Variants in ZBTB45 observed in about 807,000 individuals in gnomAD.
ZBTB45 encodes zinc finger and BTB domain-containing protein 45.
Under a neutral mutation model 28.4 loss-of-function variants are expected in ZBTB45, and 22 were observed. That is an observed-to-expected ratio of 0.77 (90% CI 0.55 to 1.10). The LOEUF is 1.10. ZBTB45 is among the 50% of genes least tolerant of loss of function. The probability of loss-of-function intolerance (pLI) is 0.00; values close to 1 mark genes in which losing one functional copy is unlikely to be tolerated. For missense variants in ZBTB45, 656 were observed against 750.2 expected, an observed-to-expected ratio of 0.87 and a Z score of 1.47; for synonymous variants, 361 against 332.3, an observed-to-expected ratio of 1.09 and a Z score of -0.94.
upstream of ZBTB45, among the ~76,000 whole-genome samples, chr19:58,524,217 C>A (rs1232382045): frequency 6.6e-6 from 1 of 150,934 alleles, no homozygotes; most frequent in Admixed American, 6.6e-5. Flanking sequence ...CAAAAATTAG[C>A]CAGGCGTGGT....
At chr19:58,529,953 AG>A (rs2053627356) in intron 1 of ZBTB45, among the ~76,000 whole-genome samples, 1 of 152,200 alleles carries the variant, frequency 6.6e-6, no homozygotes, top group Non-Finnish European at 1.5e-5. Context: ...CTGTAAGACC[AG>A]CACTTTGGGA....
In ZBTB45 at chr19:58,516,829, A is replaced by G. The variant is rs2053506196; in HGVS notation, c.845T>C (p.Val282Ala). ...AGTGGATACATAGCTGTCTGGAAATACGTCCTCAGCTGACCCAGCTCCCCG... is the reference window on the plus strand; with the variant it reads ...AGTGGATACATAGCTGTCTGGAAATGCGTCCTCAGCTGACCCAGCTCCCCG... ...FLRGAGSAEDVFPDSYVSTWH... is the reference protein window; with the variant it reads ...FLRGAGSAEDAFPDSYVSTWH... The change falls in exon 2 of 3, where the codon GTA (valine) becomes GCA (alanine). Residue 282 changes from valine to alanine, a missense_variant. Transcript: ENST00000594051. The surrounding 1 kb of genome is among the most constrained non-coding windows in gnomAD (Gnocchi z 6.2). The G allele has an allele frequency of 1.9e-6, 3 of 1,613,538 alleles. No homozygotes were observed. The highest frequency in any genetic ancestry group is 2.5e-6 in the Non-Finnish European group (3 of 1,180,000).
At chr19:58,527,964 T>A (rs1334125004) in intron 1 of ZBTB45, among the ~76,000 whole-genome samples, 2 of 152,142 alleles carry the variant, frequency 1.3e-5, no homozygotes, top group Non-Finnish European at 2.9e-5. Context: ...TATCTGGGCG[T>A]GGCAGTACGT....
rs117172726 is a variant in ZBTB45 at position 58,515,336 on chromosome 19, A to C, written c.1280-1026T>G. Among the ~76,000 whole-genome samples, 822 of 151,126 alleles carry C rather than the reference A, an allele frequency of 5.4e-3. 7 individuals are homozygous for C. The highest frequency in any genetic ancestry group is 0.016 in the South Asian group (76 of 4,746). Reference sequence around the variant, plus strand: ...GTCTCAAAAAAAATTAAAAAAAAAAAAACCCTATCTCAGTGGCAGTGGACT... The same window carrying C: ...GTCTCAAAAAAAATTAAAAAAAAAACAACCCTATCTCAGTGGCAGTGGACT... On this transcript the variant is annotated intron_variant, in intron 2 of 2. Transcript: ENST00000594051. This position sits in a 1 kb window ranked among gnomAD's most constrained non-coding sequence, Gnocchi z 4.7.
chr19:58,514,127 C>T lies in ZBTB45; in HGVS notation c.1463G>A (p.Cys488Tyr). ...CGAGAAGACCTTGCCGCAGGCGGGG[C>T]AGGGCGCGCGCTCGGGCCGGTGAGT... ...MRTHRPERAP[C>Y]PACGKVFSHR... The change falls in exon 3 of 3, where the codon TGC becomes TAC. Residue 488 changes from cysteine (C) to tyrosine (Y), a missense_variant. By Grantham distance (194) the Cys-to-Tyr change is radical. Coordinates refer to ENST00000594051, the MANE Select transcript of ZBTB45 (RefSeq NM_001316979.2). The T allele has an allele frequency of 6.2e-7, 1 of 1,600,986 alleles. No individual in the cohort carries two copies. The highest frequency in any genetic ancestry group is 1.1e-5 in the South Asian group (1 of 90,482).
intron 1 of ZBTB45, among the ~76,000 whole-genome samples, chr19:58,529,359 A>T (rs1324102355): frequency 6.6e-6 from 1 of 152,206 alleles, no homozygotes; most frequent in African/African-American, 2.4e-5. Flanking sequence ...CAGCCCGAGG[A>T]GGTTGAGGCT....
chr19:58,517,338 C>G lies in ZBTB45; in HGVS notation c.336G>C (p.Gln112His). ...TCTGCGTGCATTCGTCGATAACTGT[C>G]TGTATGCGAAGCACTGACGCGGCCG... ...VLTAASVLRIQTVIDECTQII... is the reference protein window; with the variant it reads ...VLTAASVLRIHTVIDECTQII... Residue 112 changes from glutamine (Q) to histidine (H), a missense_variant, in exon 2 of 3, where the codon CAG (glutamine) becomes CAC (histidine). Physicochemically the swap from Gln to His is conservative, Grantham distance 24. This residue lies in a region of ZBTB45 where 448 missense variants were observed against 444.3 expected (regional missense o/e 1.01). Transcript: ENST00000594051. 6.2e-7 allele frequency: 1 copy of G among 1,611,494 alleles called. No individual in the cohort carries two copies. The highest frequency in any genetic ancestry group is 8.5e-7 in the Non-Finnish European group (1 of 1,179,868).
intron 1 of ZBTB45, among the ~76,000 whole-genome samples, chr19:58,526,756 C>T (rs1600068025): frequency 6.7e-6 from 1 of 150,120 alleles, no homozygotes; most frequent in Admixed American, 6.6e-5. Context: ...TGGTCTCGAT[C>T]TCCTGACCTC....
intron 1 of ZBTB45, among the ~76,000 whole-genome samples, chr19:58,528,481 C>T (rs2053619213): frequency 6.7e-6 from 1 of 148,830 alleles, no homozygotes; most frequent in Non-Finnish European, 1.5e-5. Flanking sequence ...AAAAAAAGTC[C>T]AGGTGCGGTG....
chr19:58,534,593 G>A (rs1600071763), intron 1 of ZBTB45, among the ~76,000 whole-genome samples: 1 of 138,328 alleles, frequency 7.2e-6, no homozygotes, highest in Non-Finnish European at 1.5e-5. Flanking sequence ...GTCTCACTCT[G>A]TTGCTCAGGC....
Position 58,516,309 on chromosome 19 carries a change from A to T in ZBTB45, c.1279+86T>A. On this transcript the variant is annotated intron_variant, in intron 2 of 2. Transcript: ENST00000594051. This position sits in a 1 kb window ranked among gnomAD's most constrained non-coding sequence, Gnocchi z 6.2. Reference sequence around the variant, plus strand: ...TAACCAAAAGTAACAGAACAGTGCCAGTGCCCTGTAACTAGTGCTCAATTC... The same window carrying T: ...TAACCAAAAGTAACAGAACAGTGCCTGTGCCCTGTAACTAGTGCTCAATTC... The T allele has an allele frequency of 6.6e-7, 1 of 1,509,054 alleles. No individual in the cohort carries two copies. Among genetic ancestry groups the T allele is most frequent in the Non-Finnish European group, 9.1e-7 (1 of 1,102,904 alleles). 93.5% of individuals were successfully genotyped at this position (1,509,054 alleles called of 1,614,324 possible).
Position 58,526,844 on chromosome 19 carries a change from T to C in ZBTB45, c.1-9171A>G, listed in dbSNP as rs140080010. Among the ~76,000 whole-genome samples, 1,484 of 152,104 alleles carry C rather than the reference T, an allele frequency of 9.8e-3. 23 individuals are homozygous for C. The highest frequency in any genetic ancestry group is 0.034 in the African/African-American group (1,398 of 41,480). On this transcript the variant is annotated intron_variant, in intron 1 of 1. Coordinates refer to the ZBTB45 transcript ENST00000600130. Reference sequence around the variant, plus strand: ...CCGCGCCCGGCCTATTATTATTTTTTTGAGACAGGGTTTCACTCTGTCGCC... The same window carrying C: ...CCGCGCCCGGCCTATTATTATTTTTCTGAGACAGGGTTTCACTCTGTCGCC...
Position 58,517,134 on chromosome 19 carries a change from C to T in ZBTB45, c.540G>A (p.Gln180=). The T allele has an allele frequency of 1.2e-6, 2 of 1,612,578 alleles. No individual in the cohort carries two copies. The highest frequency in any genetic ancestry group is 1.7e-6 in the Non-Finnish European group (2 of 1,179,758). The stretch of plus-strand genomic sequence containing the variant: ...TGGCAGGTGTTGGGGGCGCTGGCAG[C>T]TGCAAACGCGCGGGCTGGCGCTGCT... ...SRKQRQPARL[Q]LPAPPTPAKA... is the part of the protein sequence containing the mutation. Residue 180 remains glutamine (Q), a synonymous_variant, in exon 2 of 3, where the codon CAG becomes CAA. Transcript: ENST00000594051.
intron 1 of ZBTB45, among the ~76,000 whole-genome samples, chr19:58,537,271 G>C (rs540679682): frequency 5.5e-4 from 83 of 152,166 alleles, no homozygotes; most frequent in Non-Finnish European, 1.1e-3. Context: ...GAACCTGGTG[G>C]GGAGGTGATG....
chr19:58,538,232 A>C (rs1171815870), intron 1 of ZBTB45, among the ~76,000 whole-genome samples: 2 of 146,746 alleles, frequency 1.4e-5, no homozygotes, highest in Non-Finnish European at 3.0e-5. Flanking sequence ...TTTTTTTTTT[A>C]AAGACAGGGC....
At position 58,515,722 on chromosome 19, in the gene ZBTB45, C is replaced by T. The variant is rs2053483257; in HGVS notation, c.1279+673G>A. 6.6e-6 allele frequency among the ~76,000 whole-genome samples: 1 copy of T among 152,182 alleles called. No homozygotes were observed. The highest frequency in any genetic ancestry group is 6.5e-5 in the Admixed American group (1 of 15,282). ...TGCTTTCCATTCCTTTGTCCTCCAT[C>T]TCAGAGCCCCCAGGGAGCATCCTCA... is the stretch of plus-strand genomic sequence containing the variant. On this transcript the variant is annotated intron_variant, in intron 2 of 2. Coordinates refer to ENST00000594051, the MANE Select transcript of ZBTB45 (RefSeq NM_001316979.2). The surrounding 1 kb of genome is among the most constrained non-coding windows in gnomAD (Gnocchi z 4.7).
In ZBTB45 at chr19:58,516,756, G is replaced by A. The variant is rs1360285418; in HGVS notation, c.918C>T (p.Thr306=). The change falls in exon 2 of 3, where the codon ACC becomes ACT. Residue 306 remains threonine, a synonymous_variant. Transcript: ENST00000594051. This position sits in a 1 kb window ranked among gnomAD's most constrained non-coding sequence, Gnocchi z 6.2. ...GAVPEGCPTE[T]PVQPDCILSG... is the part of the protein sequence containing the mutation. The stretch of plus-strand genomic sequence containing the variant: ...ACAGTATGCAGTCGGGCTGGACAGG[G>A]GTCTCAGTGGGACAGCCTTCGGGGA... 6.2e-7 allele frequency: 1 copy of A among 1,613,238 alleles called. No homozygotes were observed. The highest frequency in any genetic ancestry group is 1.7e-5 in the Admixed American group (1 of 59,980).
chr19:58,537,448 G>C (rs1335414694), intron 1 of ZBTB45, among the ~76,000 whole-genome samples: 1 of 152,118 alleles, frequency 6.6e-6, no homozygotes, highest in Non-Finnish European at 1.5e-5. Context: ...GAAACCCCAA[G>C]GTGTGTTGCC....
chr19:58,517,160 T>C lies in ZBTB45; in HGVS notation c.514A>G (p.Lys172Glu), dbSNP rs2053517273. 1 of 1,611,392 alleles carries C rather than the reference T, an allele frequency of 6.2e-7. No individual in the cohort carries two copies. Among genetic ancestry groups the C allele is most frequent in the Non-Finnish European group, 8.5e-7 (1 of 1,179,244 alleles). Residue 172 changes from lysine (K) to glutamate (E), a missense_variant, in exon 2 of 3, where the codon AAG becomes GAG. By Grantham distance (56) the Lys-to-Glu change is moderately conservative. Transcript: ENST00000594051. Reference sequence around the variant, plus strand: ...TGCAAACGCGCGGGCTGGCGCTGCTTACGGCTGTGTGCAGCACCGGGGTGC... The same window carrying C: ...TGCAAACGCGCGGGCTGGCGCTGCTCACGGCTGTGTGCAGCACCGGGGTGC... ...PGHPGAAHSR[K>E]QRQPARLQLP...
Sources: gnomAD v4.1 joint callset for allele counts (sites outside exome capture counted in the v4.1 genomes callset) on GRCh38, gnomAD v4.1.1 for gene constraint, gnomAD v4.1.1 regional missense constraint, Gnocchi (gnomAD v3.1) non-coding constraint, MANE v1.5 for transcripts, NCBI Gene and HGNC (gene_info 2026-07-23, HGNC 2026-07-21) for gene names.